Variants in CYP4X1 observed in about 807,000 individuals in gnomAD.
CYP4X1 encodes the protein cytochrome P450 family 4 subfamily X member 1.
In CYP4X1, 44 loss-of-function variants were observed where a neutral mutation model predicts 57.9. The ratio of observed to expected loss-of-function variants is 0.76; its 90% CI spans 0.60 to 0.98. The LOEUF (loss-of-function observed/expected upper bound fraction) is 0.98. Ranked by LOEUF, CYP4X1 falls within the 50% of genes least tolerant of loss-of-function variation. CYP4X1 has a pLI of 0.00. For synonymous variants in CYP4X1, 227 were observed against 228.6 expected, an observed-to-expected ratio of 0.99 and a Z score of 0.06; for missense variants, 532 against 623.9, an observed-to-expected ratio of 0.85 and a Z score of 1.57.
chr1:47,029,952 G>A, intron 1 of CYP4X1, 38 bp from the exon 2 acceptor site: 1 of 1,605,552 alleles, frequency 6.2e-7, no homozygotes, highest in African/African-American at 1.3e-5. Flanking sequence ...GACAGGTCCA[G>A]CTTGGCTGGC....
the CYP4X1 span, among the ~76,000 whole-genome samples, chr1:47,013,312 G>C: frequency 6.6e-6 from 1 of 152,298 alleles, no homozygotes; most frequent in African/African-American, 2.4e-5. Context: ...TGATACAGAA[G>C]ACAGACTTTG....
chr1:46,980,901 A>C, the CYP4X1 span, among the ~76,000 whole-genome samples: 3 of 152,022 alleles, frequency 2.0e-5, no homozygotes, highest in Admixed American at 6.6e-5. Context: ...TTTAAAAATA[A>C]ATGGTGCTGG....
chr1:47,039,615 C>T lies in CYP4X1; in HGVS notation c.1073+83C>T, dbSNP rs889163655. 6.2e-6 allele frequency: 7 copies of T among 1,128,716 alleles called. No homozygotes were observed. The Admixed American group carries it at 8.7e-5, about 14-fold the overall frequency. The allele number at this position is 1,128,716 out of a possible 1,614,324, so 69.9% of individuals were successfully genotyped here. On this transcript the variant is annotated intron_variant, in intron 8 of 11. Coordinates refer to ENST00000371901, the MANE Select transcript of CYP4X1 (RefSeq NM_178033.2). ...TTTTTGCGCTGGTACCTTAGTGACC[C>T]TAGTGCCTCAGGATATGTGTAGGTG...
At chr1:47,000,175 G>A in the CYP4X1 span, among the ~76,000 whole-genome samples, 1 of 152,098 alleles carries the variant, frequency 6.6e-6, no homozygotes, top group Non-Finnish European at 1.5e-5. Flanking sequence ...GATGATTTTA[G>A]AGGTGTTTGG....
At chr1:46,984,376 TA>T in the CYP4X1 span, among the ~76,000 whole-genome samples, 2,053 of 118,488 alleles carry the variant, frequency 0.017, 38 homozygotes, top group East Asian at 0.11. Context: ...GCTCTGCCTT[TA>T]AAAAAAAAAA....
the CYP4X1 span, among the ~76,000 whole-genome samples, chr1:46,963,198 T>C: frequency 1.3e-5 from 2 of 152,224 alleles, no homozygotes; most frequent in African/African-American, 2.4e-5. Flanking sequence ...GGGTCTTGAC[T>C]CTTTATCCAA....
chr1:47,037,980 G>A (rs181278532), intron 6 of CYP4X1, among the ~76,000 whole-genome samples: 1 of 152,222 alleles, frequency 6.6e-6, no homozygotes, highest in Non-Finnish European at 1.5e-5. Context: ...ACTGGTATCT[G>A]TTTTGGATAA....
chr1:46,979,257 G>A, the CYP4X1 span, among the ~76,000 whole-genome samples: 1 of 151,952 alleles, frequency 6.6e-6, no homozygotes, highest in African/African-American at 2.4e-5. Context: ...AAAGAGAGAA[G>A]AATCAAATAG....
chr1:47,046,625 G>A (rs1397354519), intron 9 of CYP4X1, 25 bp downstream of exon 9: 1 of 1,614,026 alleles, frequency 6.2e-7, no homozygotes, highest in South Asian at 1.1e-5. Flanking sequence ...TTCCTAAGCA[G>A]TTCTTAGAGG....
the CYP4X1 span, among the ~76,000 whole-genome samples, chr1:46,963,912 G>C: frequency 6.6e-6 from 1 of 152,168 alleles, no homozygotes; most frequent in Non-Finnish European, 1.5e-5. Flanking sequence ...TCTTCACATA[G>C]TCCCATATTT....
chr1:47,011,754 G>A, the CYP4X1 span, among the ~76,000 whole-genome samples: 1 of 152,132 alleles, frequency 6.6e-6, no homozygotes, highest in African/African-American at 2.4e-5. Context: ...CAAAGGATAC[G>A]AACAGACACT....
rs72681986 is a variant in CYP4X1 at position 47,038,342 on chromosome 1, T to C, written c.776-318T>C. On this transcript the variant is annotated intron_variant, in intron 6 of 11. Coordinates refer to ENST00000371901, the MANE Select transcript of CYP4X1 (RefSeq NM_178033.2). Reference sequence around the variant, plus strand: ...CTGTCTTCTATTTCATTCCATTTTATTTAATAACTTTTCCGTGAAGATAAA... The same window carrying C: ...CTGTCTTCTATTTCATTCCATTTTACTTAATAACTTTTCCGTGAAGATAAA... Among the ~76,000 whole-genome samples the C allele has an allele frequency of 4.6e-3, 708 of 152,330 alleles. 5 individuals carry two copies. Among genetic ancestry groups the C allele is most frequent in the Non-Finnish European group, 7.4e-3 (505 of 68,022 alleles).
At chr1:46,991,249 C>T in the CYP4X1 span, among the ~76,000 whole-genome samples, 676 of 152,184 alleles carry the variant, frequency 4.4e-3, 6 homozygotes, top group Non-Finnish European at 6.0e-3. Context: ...TACTGGCCTA[C>T]GTTAAATTTT....
chr1:46,971,056 T>G, the CYP4X1 span, among the ~76,000 whole-genome samples: 2 of 152,132 alleles, frequency 1.3e-5, no homozygotes, highest in Non-Finnish European at 2.9e-5. Flanking sequence ...ATTCAATAGG[T>G]AATTTTTGAT....
At chr1:46,962,209 C>T in the CYP4X1 span, among the ~76,000 whole-genome samples, 24 of 152,118 alleles carry the variant, frequency 1.6e-4, no homozygotes, top group African/African-American at 3.1e-4. Flanking sequence ...CTCCGCCTCC[C>T]GGGTTCGAGT....
chr1:47,039,276 G>C, intron 7 of CYP4X1, 66 bp from the exon 8 acceptor site: 1 of 1,385,670 alleles, frequency 7.2e-7, no homozygotes, highest in African/African-American at 1.5e-5. Context: ...AATCATTATT[G>C]TGGTTGTATC....
chr1:46,961,570 A>C, the CYP4X1 span: 13 of 1,238,980 alleles, frequency 1.0e-5, no homozygotes, highest in Middle Eastern at 6.8e-4. Context: ...CCTGAGAACA[A>C]AGGGCTCAGG....
In CYP4X1 at chr1:47,031,481, G is replaced by A. The variant is rs1265692237; in HGVS notation, c.364+1G>A. 1.9e-6 allele frequency: 3 copies of A among 1,613,868 alleles called. No homozygotes were observed. The highest frequency in any genetic ancestry group is 3.3e-5 in the Admixed American group (2 of 59,998). ...CAGAAATTCTCACCTCCACTTCTTG[G>A]TATGTATGTGCAAATGAGAGGTATA... On this transcript the variant is annotated splice_donor_variant, in intron 3 of 11. Coordinates refer to ENST00000371901, the MANE Select transcript of CYP4X1 (RefSeq NM_178033.2). LOFTEE classifies it high-confidence loss of function.
At chr1:47,013,754 A>G in the CYP4X1 span, among the ~76,000 whole-genome samples, 2 of 147,562 alleles carry the variant, frequency 1.4e-5, no homozygotes, top group South Asian at 2.1e-4. Context: ...TGACCTCAAT[A>G]TACTCTTTTT....
Sources: allele counts gnomAD v4.1 joint callset (sites outside exome capture counted in the v4.1 genomes callset), GRCh38; gene constraint gnomAD v4.1.1; transcripts MANE v1.5; gene names NCBI Gene and HGNC (gene_info 2026-07-23, HGNC 2026-07-21).